Variants in TRMT2B observed in about 807,000 individuals in gnomAD.
TRMT2B encodes tRNA methyltransferase 2B, also known as tRNA (uracil-5-)-methyltransferase homolog B.
Under a neutral mutation model 39.7 loss-of-function variants are expected in TRMT2B, and 34 were observed. That is an observed-to-expected ratio of 0.86 (90% CI 0.65 to 1.14). The LOEUF is 1.14. Ranked by LOEUF, TRMT2B falls within the 50% of genes most tolerant of loss-of-function variation. TRMT2B has a pLI of 0.00. For synonymous variants in TRMT2B, 132 were observed against 137.3 expected (o/e 0.96, Z 0.27); for missense variants, 318 against 377.2 (o/e 0.84, Z 1.30).
chrX:101,017,018 C>T (rs1246776780), intron 13 of TRMT2B, among the ~76,000 whole-genome samples: 4 of 110,307 alleles, frequency 3.6e-5, no homozygotes, highest in Non-Finnish European at 7.6e-5. Context: ...ACTAAGAATA[C>T]AAAAATTAGC....
the TRMT2B span, chrX:100,990,518 A>T: frequency 2.7e-6 from 3 of 1,097,439 alleles, no homozygotes; most frequent in East Asian, 1.0e-4. Flanking sequence ...CTCTAATATC[A>T]CATCCCTGAG....
the TRMT2B span, among the ~76,000 whole-genome samples, chrX:101,001,033 G>A: frequency 9.0e-6 from 1 of 111,055 alleles, no homozygotes; most frequent in Non-Finnish European, 1.9e-5. Context: ...GCCCAAATGT[G>A]TGCATTTCTA....
At chrX:100,990,868 T>A in the TRMT2B span, 1 of 255,333 alleles carries the variant, frequency 3.9e-6, no homozygotes, top group Non-Finnish European at 7.0e-6. Context: ...CATACCTCCA[T>A]AAACAACTTT....
intron 13 of TRMT2B, among the ~76,000 whole-genome samples, chrX:101,012,290 T>C (rs1427698366): frequency 1.0e-5 from 1 of 99,511 alleles, no homozygotes; most frequent in Non-Finnish European, 2.0e-5. Flanking sequence ...CACTAGGCCA[T>C]AGGAATTTTT....
chrX:101,042,119 G>A lies in TRMT2B; in HGVS notation c.171C>T (p.Ala57=). Residue 57 remains alanine (A), a synonymous_variant, in exon 3 of 14, where the codon GCC becomes GCT. Transcript: ENST00000372936. ...VCKGDFTRVI[A]TKCQKGQKSQ... ...TTTTTTGTCCTTTCTGACATTTCGT[G>A]GCTATCACACGGGTGAAATCTCCCT... 1 of 1,211,856 alleles carries A rather than the reference G, an allele frequency of 8.3e-7. No individual in the cohort carries two copies. The highest frequency in any genetic ancestry group is 1.1e-6 in the Non-Finnish European group (1 of 895,457).
the TRMT2B span, among the ~76,000 whole-genome samples, chrX:100,982,238 C>G: frequency 9.0e-6 from 1 of 111,124 alleles, no homozygotes; most frequent in Non-Finnish European, 1.9e-5. Context: ...CGCCTGTAAT[C>G]CCAGCACTTT....
At chrX:100,991,026 G>A in the TRMT2B span, among the ~76,000 whole-genome samples, 1 of 111,675 alleles carries the variant, frequency 9.0e-6, no homozygotes, top group African/African-American at 3.3e-5. Context: ...CTATCCCAAG[G>A]GTGGCAGTGG....
chrX:100,982,597 C>G, the TRMT2B span, among the ~76,000 whole-genome samples: 1 of 109,100 alleles, frequency 9.2e-6, no homozygotes, highest in Non-Finnish European at 1.9e-5. Flanking sequence ...ACTGACGGGA[C>G]CTGGAGATTC....
At chrX:100,976,256 G>A in the TRMT2B span, among the ~76,000 whole-genome samples, 2 of 109,850 alleles carry the variant, frequency 1.8e-5, no homozygotes, top group Non-Finnish European at 3.8e-5. Context: ...GGTTTCTGAT[G>A]GCCAGCCAGC....
At chrX:101,033,533 T>C (rs748724253) in intron 7 of TRMT2B, among the ~76,000 whole-genome samples, 70 of 109,743 alleles carry the variant, frequency 6.4e-4, no homozygotes, top group Non-Finnish European at 1.2e-3. Context: ...GGGTGGAGGC[T>C]GCAGTGATCC....
At chrX:101,044,952 C>T (rs1273752364) in intron 2 of TRMT2B, among the ~76,000 whole-genome samples, 1 of 106,385 alleles carries the variant, frequency 9.4e-6, no homozygotes, top group African/African-American at 3.4e-5. Context: ...ATTGCTTGAA[C>T]CTGGGAGGTG....
At chrX:100,996,678 A>G in the TRMT2B span, among the ~76,000 whole-genome samples, 120 of 111,846 alleles carry the variant, frequency 1.1e-3, no homozygotes, top group African/African-American at 3.6e-3. Flanking sequence ...AGCCGACCAA[A>G]TAAGTCTAAG....
chrX:101,041,976 A>G, intron 3 of TRMT2B, 66 bp downstream of exon 3: 1 of 1,153,773 alleles, frequency 8.7e-7, no homozygotes, highest in Admixed American at 2.3e-5. Flanking sequence ...CACTAGGAAT[A>G]CAGAATTTCA....
chrX:100,985,882 TC>T, the TRMT2B span: 3 of 1,209,105 alleles, frequency 2.5e-6, no homozygotes, highest in Non-Finnish European at 3.4e-6. Context: ...ACATCTGCTG[TC>T]CGATAAAAGA....
At chrX:101,022,247 G>A (rs1323424950) in intron 8 of TRMT2B, among the ~76,000 whole-genome samples, 185 bp from the exon 9 acceptor site, 1 of 111,668 alleles carries the variant, frequency 9.0e-6, no homozygotes, top group East Asian at 2.8e-4. Context: ...CCAGCACTTT[G>A]AGAGGCTGAG....
intron 13 of TRMT2B, chrX:101,013,877 C>G (rs929735409): frequency 2.7e-5 from 3 of 111,079 alleles, no homozygotes. Context: ...AGCTTGAGCC[C>G]CAGAGTTTAA....
chrX:101,025,776 T>C (rs187145741), intron 7 of TRMT2B, among the ~76,000 whole-genome samples: 109 of 110,769 alleles, frequency 9.8e-4, no homozygotes, highest in African/African-American at 3.4e-3. Context: ...CTGACCAACA[T>C]GGCAAAACCC....
chrX:101,002,217 G>A, the TRMT2B span, among the ~76,000 whole-genome samples: 2 of 111,584 alleles, frequency 1.8e-5, no homozygotes, highest in East Asian at 5.7e-4. Context: ...GATCAGAAAT[G>A]GATCTCTGGG....
At chrX:101,045,616 AAAAC>A (rs140738955) in intron 2 of TRMT2B, among the ~76,000 whole-genome samples, 48,308 of 99,159 alleles carry the variant, frequency 0.49, 10,641 homozygotes, top group African/African-American at 0.61. Flanking sequence ...CTAAAAATAC[AAAAC>A]AAACAAACAA....
Sources: gnomAD v4.1 joint callset for allele counts (sites outside exome capture counted in the v4.1 genomes callset) on GRCh38, gnomAD v4.1.1 for gene constraint, MANE v1.5 for transcripts, NCBI Gene and HGNC (gene_info 2026-07-23, HGNC 2026-07-21) for gene names.